The following PRX variants were observed in gnomAD, a reference collection of about 807,000 sequenced individuals.
PRX encodes the protein periaxin.
In PRX, 24 loss-of-function variants were observed where a neutral mutation model predicts 29.6. That is an observed-to-expected ratio of 0.81 (90% CI 0.59 to 1.14). PRX has a LOEUF of 1.14. Among genes scored for constraint, PRX ranks in the 50% most tolerant of loss-of-function variants. The probability of loss-of-function intolerance (pLI) is 0.00; values close to 1 mark genes in which losing one functional copy is unlikely to be tolerated. For missense variants in PRX, 1,838 were observed against 1,926.4 expected (o/e 0.95, Z 0.86); for synonymous variants, 772 against 831.7 (o/e 0.93, Z 1.24).
At chr19:40,403,606 C>A in intron 5 of PRX, 100 bp downstream of exon 5, 1 of 1,404,718 alleles carries the variant, frequency 7.1e-7, no homozygotes, top group Non-Finnish European at 9.5e-7. Flanking sequence ...CCGGTCACGC[C>A]CCCATCCCCC....
intron 4 of PRX, among the ~76,000 whole-genome samples, chr19:40,405,468 G>A (rs1247354925): frequency 6.6e-6 from 1 of 152,066 alleles, no homozygotes; most frequent in African/African-American, 2.4e-5. Context: ...GCAGGTCTAG[G>A]CCAGATGCCC....
At chr19:40,407,566 G>T (rs1462666083) in intron 4 of PRX, 17 of 452,338 alleles carry the variant, frequency 3.8e-5, no homozygotes. Context: ...CTCCCAAAGT[G>T]CTGGAATTCC....
Position 40,396,628 on chromosome 19 carries a change from G to T in PRX, c.1724C>A (p.Pro575Gln). The change falls in exon 7 of 7, where the codon CCG becomes CAG. Residue 575 changes from proline (P) to glutamine (Q), a missense_variant. Physicochemically the swap from Pro to Gln is moderately conservative, Grantham distance 76. Around this residue, in one of 3 missense-constraint regions of PRX, gnomAD observed 1,143 missense variants for 1,193.0 expected, o/e 0.96. Transcript: ENST00000324001. The part of the protein sequence containing the change: ...PEVRLPEVQL[P>Q]KVPEMKVPEM... ...AGGGACTTTCATCTCTGGCACTTTC[G>T]GCAGCTGCACCTCTGGAAGCCGCAC... The T allele has an allele frequency of 6.2e-7, 1 of 1,613,970 alleles. No homozygotes were observed. Among genetic ancestry groups the T allele is most frequent in the Non-Finnish European group, 8.5e-7 (1 of 1,180,006 alleles).
At position 40,394,096 on chromosome 19, in the gene PRX, G is replaced by C; in HGVS notation, c.4256C>G (p.Pro1419Arg). Residue 1419 changes from proline to arginine, a missense_variant, in exon 7 of 7, where the codon CCC becomes CGC. Physicochemically the swap from Pro to Arg is moderately radical, Grantham distance 103 (BLOSUM62 -2). Coordinates refer to ENST00000324001, the MANE Select transcript of PRX (RefSeq NM_181882.3). This position sits in a 1 kb window ranked among gnomAD's most constrained non-coding sequence, Gnocchi z 5.8. ...KFRFPRVSLS[P>R]KARSGSGDQE... ...GTCCCCACTCCCACTCCGGGCCTTG[G>C]GGCTTAGGGACACCCTGGGGAAGCG... is the stretch of plus-strand genomic sequence containing the variant. The C allele has an allele frequency of 1.2e-6, 2 of 1,609,914 alleles. No individual in the cohort carries two copies. The highest frequency in any genetic ancestry group is 1.7e-6 in the Non-Finnish European group (2 of 1,176,936).
At chr19:40,410,926 A>G (rs992116308) in intron 1 of PRX, among the ~76,000 whole-genome samples, 1 of 152,170 alleles carries the variant, frequency 6.6e-6, no homozygotes, top group Non-Finnish European at 1.5e-5. Context: ...GACAATCATA[A>G]TAACAACTGA....
rs557629973 is a variant in PRX, at chr19:40,404,290, G to T, written c.28-428C>A. On this transcript the variant is annotated intron_variant, in intron 4 of 6. Coordinates refer to ENST00000324001, the MANE Select transcript of PRX (RefSeq NM_181882.3). ...GCCTCTCCGAGGCCCTGGAGCGGCAGCCGAAAGGGGTTAGGGGAGGAGACG... is the reference window on the plus strand; with the variant it reads ...GCCTCTCCGAGGCCCTGGAGCGGCATCCGAAAGGGGTTAGGGGAGGAGACG... 5.9e-5 allele frequency among the ~76,000 whole-genome samples: 9 copies of T among 152,266 alleles called. No individual in the cohort carries two copies. In the East Asian group the frequency reaches 1.6e-3, roughly 26 times the overall value.
chr19:40,401,974 G>A (rs1249083397), intron 5 of PRX, among the ~76,000 whole-genome samples: 2 of 151,956 alleles, frequency 1.3e-5, no homozygotes, highest in African/African-American at 2.4e-5. Flanking sequence ...GGCTGGCCTC[G>A]AACTCCTGAC....
In PRX at chr19:40,407,900, A is replaced by C; in HGVS notation, c.27+6T>G. ...AGTGCGCCTTGCAGGACACGTGGGC[A>C]CTCACCTCGGCACTCCGGCTCCTGG... On this transcript the variant is annotated splice_donor_region_variant and intron_variant, in intron 4 of 6. Transcript: ENST00000324001. The C allele has an allele frequency of 6.2e-7, 1 of 1,613,422 alleles. No individual in the cohort carries two copies. The highest frequency in any genetic ancestry group is 8.5e-7 in the Non-Finnish European group (1 of 1,180,008).
chr19:40,395,557 G>A lies in PRX; in HGVS notation c.2795C>T (p.Ser932Phe). 5.0e-6 allele frequency: 8 copies of A among 1,614,208 alleles called. No homozygotes were observed. Among genetic ancestry groups the A allele is most frequent in the Non-Finnish European group, 6.8e-6 (8 of 1,180,040 alleles). The change falls in exon 7 of 7, where the codon TCC (serine) becomes TTC (phenylalanine). Residue 932 changes from serine (S) to phenylalanine (F), a missense_variant. Coordinates refer to ENST00000324001, the MANE Select transcript of PRX (RefSeq NM_181882.3). ...CCCCGAGAGTCCAAACTTAGGTAAG[G>A]AGAACTTGGAAGAGGGCTTGACTTT... The part of the protein sequence containing the change: ...ETKVKPSSKF[S>F]LPKFGLSGPK...
At chr19:40,402,774 C>CAAAAAAAAAAA (rs568158954) in intron 5 of PRX, among the ~76,000 whole-genome samples, 5 of 110,534 alleles carry the variant, frequency 4.5e-5, no homozygotes, top group African/African-American at 1.6e-4. Flanking sequence ...GACTCCGTCT[C>CAAAAAAAAAAA]AAAAAAAAAA....
In PRX at chr19:40,403,887, G is replaced by A. The variant is rs369349775; in HGVS notation, c.28-25C>T. The A allele has an allele frequency of 4.3e-5, 69 of 1,601,956 alleles. No homozygotes were observed. In the African/African-American group the frequency reaches 7.9e-4, roughly 18 times the overall value. On this transcript the variant is annotated intron_variant, in intron 4 of 6. Transcript: ENST00000324001. ...CCTGCAGAGGGCGGCGAGGTGTCGCGTTGGGGCTCTAGGGCCGGACCTCGC... is the reference window on the plus strand; with the variant it reads ...CCTGCAGAGGGCGGCGAGGTGTCGCATTGGGGCTCTAGGGCCGGACCTCGC...
chr19:40,408,097 G>C, intron 3 of PRX, 61 bp downstream of exon 3: 1 of 886,084 alleles, frequency 1.1e-6, no homozygotes. Context: ...CATGCTTACA[G>C]GGAGAAAGCA....
At chr19:40,402,744 C>T (rs140605811) in intron 5 of PRX, among the ~76,000 whole-genome samples, 4,727 of 138,916 alleles carry the variant, frequency 0.034, 166 homozygotes, top group African/African-American at 0.092. Flanking sequence ...CACTGCACTC[C>T]AGCCTGGGCA....
rs2079540554 is a variant in PRX at position 40,408,038 on chromosome 19, G to A, written c.-99-7C>T. 2.7e-6 allele frequency: 4 copies of A among 1,497,494 alleles called. No individual in the cohort carries two copies. In the African/African-American group the frequency reaches 5.5e-5, roughly 21 times the overall value. 92.8% of individuals were successfully genotyped at this position (1,497,494 alleles called of 1,614,324 possible). Reference sequence around the variant, plus strand: ...GGAGCAGCTGCCTCTGAGCCTGTGGGAGGACAGCAGTGGAGGCTTGAGGCC... The same window carrying A: ...GGAGCAGCTGCCTCTGAGCCTGTGGAAGGACAGCAGTGGAGGCTTGAGGCC... On this transcript the variant is annotated splice_polypyrimidine_tract_variant and splice_region_variant and intron_variant, in intron 3 of 6. Transcript: ENST00000324001.
In PRX at chr19:40,394,162, G is replaced by A; in HGVS notation, c.4190C>T (p.Ala1397Val). ...CTCTCTGACGGGGGACTTGGGGGCT[G>A]CATCGCCCTCCTGCCCCCGAGAGGC... ...SKASRGQEGD[A>V]APKSPVREKS... Residue 1397 changes from alanine (A) to valine (V), a missense_variant, in exon 7 of 7, where the codon GCA (alanine) becomes GTA (valine). By Grantham distance (64) the Ala-to-Val change is moderately conservative. This residue lies in a region of PRX where 1,143 missense variants were observed against 1,193.0 expected (regional missense o/e 0.96). Transcript: ENST00000324001. The surrounding 1 kb of genome is among the most constrained non-coding windows in gnomAD (Gnocchi z 5.8). The A allele has an allele frequency of 6.3e-7, 1 of 1,588,954 alleles. No homozygotes were observed. The highest frequency in any genetic ancestry group is 1.1e-5 in the South Asian group (1 of 88,244).
chr19:40,394,240 C>G lies in PRX; in HGVS notation c.4112G>C (p.Arg1371Pro). ...TGGCAAGCGGACCCGGACCCGGCCC[C>G]GGCGACCCGAGGCCCCTTCCCCACT... ...EGSGEGASGR[R>P]GRVRVRLPRV... The change falls in exon 7 of 7, where the codon CGG becomes CCG. Residue 1371 changes from arginine (R) to proline (P), a missense_variant. Physicochemically the swap from Arg to Pro is moderately radical, Grantham distance 103 (BLOSUM62 -2). Coordinates refer to ENST00000324001, the MANE Select transcript of PRX (RefSeq NM_181882.3). This position sits in a 1 kb window ranked among gnomAD's most constrained non-coding sequence, Gnocchi z 5.8. 7 of 1,605,600 alleles carry G rather than the reference C, an allele frequency of 4.4e-6. No individual in the cohort carries two copies. Among genetic ancestry groups the G allele is most frequent in the Non-Finnish European group, 5.1e-6 (6 of 1,173,728 alleles).
intron 5 of PRX, among the ~76,000 whole-genome samples, chr19:40,402,550 T>C: frequency 6.6e-6 from 1 of 150,494 alleles, no homozygotes; most frequent in East Asian, 2.0e-4. Context: ...GGCGGGCAGA[T>C]CACGAGGTCA....
At chr19:40,403,961 T>G (rs1353898478) in intron 4 of PRX, 99 bp from the exon 5 acceptor site, 1 of 1,303,278 alleles carries the variant, frequency 7.7e-7, no homozygotes, top group Non-Finnish European at 1.1e-6. Flanking sequence ...ATATATATGT[T>G]TATATATATT....
chr19:40,407,633 G>A (rs1006803437), intron 4 of PRX: 13 of 585,014 alleles, frequency 2.2e-5, no homozygotes, highest in Middle Eastern at 4.5e-4. Flanking sequence ...GGTTTCTGCC[G>A]GATTTTCTTC....
Sources: gnomAD v4.1 joint callset for allele counts (sites outside exome capture counted in the v4.1 genomes callset) on GRCh38, gnomAD v4.1.1 for gene constraint, gnomAD v4.1.1 regional missense constraint, Gnocchi (gnomAD v3.1) non-coding constraint, MANE v1.5 for transcripts, NCBI Gene and HGNC (gene_info 2026-07-23, HGNC 2026-07-21) for gene names.